NDUFAF6: variants seen among roughly 807,000 people sequenced by gnomAD.
NDUFAF6 encodes NADH:ubiquinone oxidoreductase complex assembly factor 6.
In NDUFAF6, 45 loss-of-function variants were observed where a neutral mutation model predicts 40.8. The ratio of observed to expected loss-of-function variants is 1.10; its 90% CI spans 0.87 to 1.42. The LOEUF is 1.42. Ranked by LOEUF, NDUFAF6 falls within the 40% of genes most tolerant of loss-of-function variation. The pLI, the probability that NDUFAF6 is intolerant of heterozygous loss-of-function variation, is 0.00. For missense variants in NDUFAF6, 435 were observed against 418.5 expected, an observed-to-expected ratio of 1.04 and a Z score of -0.34; for synonymous variants, 185 against 155.9, an observed-to-expected ratio of 1.19 and a Z score of -1.39.
Position 95,032,023 on chromosome 8 carries a change from T to C in NDUFAF6, c.226T>C (p.Ser76Pro), listed in dbSNP as rs1057519084. The C allele has an allele frequency of 6.2e-7, 1 of 1,614,020 alleles. No individual in the cohort carries two copies. The highest frequency in any genetic ancestry group is 1.3e-5 in the African/African-American group (1 of 74,922). ...ACGGGATTATGAAGGTTATTTATGC[T>C]CCCTGCTGCTCCCTGCAGAATCCCG... ...RKRDYEGYLC[S>P]LLLPAESRSS... Residue 76 changes from serine (S) to proline (P), a missense_variant, in exon 2 of 9, where the codon TCC (serine) becomes CCC (proline). Coordinates refer to ENST00000396124, the MANE Select transcript of NDUFAF6 (RefSeq NM_152416.4).
chr8:95,112,659 C>A (rs903582564), intron 4 of NDUFAF6, among the ~76,000 whole-genome samples: 3 of 152,208 alleles, frequency 2.0e-5, no homozygotes, highest in Admixed American at 6.5e-5. Context: ...CATTAAGATC[C>A]TGTTTGCCTA....
At chr8:94,931,338 A>G (rs192048857) in intron 1 of NDUFAF6, among the ~76,000 whole-genome samples, 5 of 152,318 alleles carry the variant, frequency 3.3e-5, no homozygotes, top group African/African-American at 1.2e-4. Flanking sequence ...GTTTTTCTTT[A>G]TCTCACAACA....
rs201012799 is a variant in NDUFAF6, at chr8:94,939,978, T to C, written c.-935-5505T>C. ...GGATGTTCAATGAGAAGGTTTTCCA[T>C]AGGACTTGTTTCCACCTTGATAGTG... On this transcript the variant is annotated intron_variant, in intron 1 of 14. Coordinates refer to the NDUFAF6 transcript ENST00000396113. The C allele has an allele frequency of 6.1e-5, 98 of 1,614,200 alleles. No individual in the cohort carries two copies. The highest frequency in any genetic ancestry group is 6.3e-5 in the Non-Finnish European group (74 of 1,180,038).
intron 4 of NDUFAF6, among the ~76,000 whole-genome samples, chr8:95,042,843 T>C (rs1830292579): frequency 6.6e-6 from 1 of 152,218 alleles, no homozygotes; most frequent in South Asian, 2.1e-4. Flanking sequence ...CATATATTTA[T>C]AGTCAATTGA....
At chr8:95,046,672 A>G (rs1830803741) in intron 5 of NDUFAF6, among the ~76,000 whole-genome samples, 1 of 152,214 alleles carries the variant, frequency 6.6e-6, no homozygotes, top group Non-Finnish European at 1.5e-5. Context: ...ATGAGATCAT[A>G]TGGAAATTGC....
intron 4 of NDUFAF6, among the ~76,000 whole-genome samples, chr8:95,115,350 A>C (rs776320932): frequency 3.3e-5 from 5 of 152,148 alleles, no homozygotes; most frequent in Non-Finnish European, 7.3e-5. Flanking sequence ...CACATGTTCC[A>C]CTTACTATGC....
Position 95,058,198 on chromosome 8 carries a change from A to G in NDUFAF6, c.*261A>G. ...CCTGGAAGCTGGAGCTCCAACAGGG[A>G]ATATTGGTGTAGCTGTGCATAGGCC... On this transcript the variant is annotated 3_prime_UTR_variant, in exon 9 of 9. Coordinates refer to ENST00000396124, the MANE Select transcript of NDUFAF6 (RefSeq NM_152416.4). The G allele has an allele frequency of 7.0e-7, 1 of 1,420,716 alleles. No homozygotes were observed. Among genetic ancestry groups the G allele is most frequent in the South Asian group, 1.6e-5 (1 of 61,666 alleles). 88.0% of individuals were successfully genotyped at this position (1,420,716 alleles called of 1,614,324 possible).
Position 95,052,159 on chromosome 8 carries a change from C to T in NDUFAF6, c.817-15C>T. The stretch of plus-strand genomic sequence containing the variant: ...GCTTAATTTTGAACGAGCTTCCTCT[C>T]CTCTTCCTTTTTAGGCTAGGTCCTT... On this transcript the variant is annotated splice_polypyrimidine_tract_variant and intron_variant, in intron 7 of 8. Coordinates refer to ENST00000396124, the MANE Select transcript of NDUFAF6 (RefSeq NM_152416.4). 1 of 1,613,916 alleles carries T rather than the reference C, an allele frequency of 6.2e-7. No individual in the cohort carries two copies. Among genetic ancestry groups the T allele is most frequent in the South Asian group, 1.1e-5 (1 of 91,068 alleles).
exon 10 of NDUFAF6, chr8:95,075,936 C>A: frequency 1.6e-5 from 5 of 314,644 alleles, no homozygotes; most frequent in South Asian, 1.4e-4. Context: ...GAAAGGAGAG[C>A]CACTTTGCTG....
intron 1 of NDUFAF6, among the ~76,000 whole-genome samples, chr8:94,919,809 G>C (rs573256064): frequency 2.6e-5 from 4 of 152,342 alleles, no homozygotes; most frequent in Middle Eastern, 3.4e-3. Flanking sequence ...CAGGTGCTCT[G>C]TATTATCTGA....
intron 2 of NDUFAF6, among the ~76,000 whole-genome samples, chr8:94,993,433 G>T (rs1451695873): frequency 6.6e-6 from 1 of 152,172 alleles, no homozygotes; most frequent in African/African-American, 2.4e-5. Context: ...CCTAAGCTAG[G>T]CTGGCCTTGT....
At chr8:94,940,051 C>A (rs1231549035) in intron 1 of NDUFAF6, 1 of 1,614,106 alleles carries the variant, frequency 6.2e-7, no homozygotes, top group Non-Finnish European at 8.5e-7. Flanking sequence ...TAAACCAGCT[C>A]TCCTCCATTG....
chr8:94,898,965 G>T (rs543350363), intron 1 of NDUFAF6, among the ~76,000 whole-genome samples: 8 of 152,134 alleles, frequency 5.3e-5, no homozygotes, highest in Non-Finnish European at 1.2e-4. Context: ...CTTAATAATA[G>T]TATTTCTCAT....
At chr8:95,036,383 GC>G in intron 3 of NDUFAF6, 1 of 1,289,434 alleles carries the variant, frequency 7.8e-7, no homozygotes, top group Non-Finnish European at 1.0e-6. Context: ...CTGCACACCA[GC>G]AGAGGCAGGC....
intron 8 of NDUFAF6, 80 bp from the exon 9 acceptor site, chr8:95,057,729 A>T: frequency 9.0e-7 from 1 of 1,110,594 alleles, no homozygotes; most frequent in Non-Finnish European, 1.3e-6. Flanking sequence ...AAATACTTGT[A>T]ATTATTCTTT....
At chr8:94,922,200 C>T (rs1332633052) in intron 1 of NDUFAF6, among the ~76,000 whole-genome samples, 4 of 151,912 alleles carry the variant, frequency 2.6e-5, no homozygotes, top group South Asian at 2.1e-4. Context: ...AAAGTAGAGA[C>T]GAGGTTTCAC....
rs183448229 is a variant in NDUFAF6, at chr8:95,075,811, G to A, written c.*690G>A. 9.1e-6 allele frequency: 6 copies of A among 658,574 alleles called. No individual in the cohort carries two copies. The East Asian group carries it at 2.0e-4, about 22-fold the overall frequency. 40.8% of individuals were successfully genotyped at this position (658,574 alleles called of 1,614,324 possible). On this transcript the variant is annotated 3_prime_UTR_variant and NMD_transcript_variant, in exon 10 of 10. Coordinates refer to the NDUFAF6 transcript ENST00000520757. ...GCTCTAGGCCAATCTTGCTTCACTC[G>A]AACACGCACACACTTCTCCTTGCGC...
intron 2 of NDUFAF6, among the ~76,000 whole-genome samples, chr8:94,989,680 C>T (rs1826107134): frequency 6.6e-6 from 1 of 152,190 alleles, no homozygotes; most frequent in Non-Finnish European, 1.5e-5. Flanking sequence ...TTAATGTTGA[C>T]AGTGACTTGG....
downstream of NDUFAF6, among the ~76,000 whole-genome samples, chr8:95,106,090 A>G (rs1260215362): frequency 6.6e-6 from 1 of 152,028 alleles, no homozygotes; most frequent in East Asian, 1.9e-4. Context: ...CCTGGCTAAC[A>G]TGGTGAAACC....
Sources: gnomAD v4.1 joint callset for allele counts (sites outside exome capture counted in the v4.1 genomes callset) on GRCh38, gnomAD v4.1.1 for gene constraint, MANE v1.5 for transcripts, NCBI Gene and HGNC (gene_info 2026-07-23, HGNC 2026-07-21) for gene names.